The following CPED1 variants were observed in gnomAD, a reference collection of about 807,000 sequenced individuals.
CPED1 encodes cadherin like and PC-esterase domain containing 1.
Under a neutral mutation model 128.2 loss-of-function variants are expected in CPED1, and 114 were observed. The observed-to-expected ratio is 0.89, with a 90% CI of 0.76 to 1.04. The LOEUF is 1.04. CPED1 is among the 50% of genes least tolerant of loss of function. The pLI is 0.00. For missense variants in CPED1, 1,211 were observed against 1,207.1 expected (o/e 1.00, Z -0.05); for synonymous variants, 462 against 426.7 (o/e 1.08, Z -1.02).
chr7:121,018,785 A>G (rs989091017), intron 3 of CPED1, among the ~76,000 whole-genome samples: 21 of 152,094 alleles, frequency 1.4e-4, no homozygotes, highest in Non-Finnish European at 2.9e-5. Context: ...CATATTTAGC[A>G]ATTTTCTGTC....
intron 12 of CPED1, among the ~76,000 whole-genome samples, chr7:121,131,078 C>T (rs1388186792): frequency 6.6e-6 from 1 of 152,016 alleles, no homozygotes; most frequent in Non-Finnish European, 1.5e-5. Context: ...ACTAAATGGC[C>T]CTGCCATAAT....
At chr7:121,059,408 T>C (rs1291917176) in intron 4 of CPED1, among the ~76,000 whole-genome samples, 6 of 152,226 alleles carry the variant, frequency 3.9e-5, no homozygotes, top group African/African-American at 1.2e-4. Flanking sequence ...TGGATGATAA[T>C]GAACAGCTTT....
At chr7:121,216,378 C>A (rs1332518583) in intron 16 of CPED1, among the ~76,000 whole-genome samples, 2 of 152,004 alleles carry the variant, frequency 1.3e-5, no homozygotes, top group Non-Finnish European at 2.9e-5. Context: ...AAGTTCACTT[C>A]TACTCACATT....
chr7:121,104,519 T>C (rs1794924645), intron 7 of CPED1, among the ~76,000 whole-genome samples: 1 of 152,202 alleles, frequency 6.6e-6, no homozygotes, highest in African/African-American at 2.4e-5. Flanking sequence ...TTCTTTGTAC[T>C]TCTGACCATA....
At chr7:121,097,595 A>G in intron 5 of CPED1, 104 bp from the exon 6 acceptor site, 1 of 1,277,308 alleles carries the variant, frequency 7.8e-7, no homozygotes, top group South Asian at 1.5e-5. Context: ...ATGGTTGCAT[A>G]TTTCTCATGT....
At chr7:121,291,858 A>G (rs1792710108) in intron 22 of CPED1, among the ~76,000 whole-genome samples, 1 of 152,162 alleles carries the variant, frequency 6.6e-6, no homozygotes, top group Admixed American at 6.5e-5. Flanking sequence ...GCAGTGAGAG[A>G]GGGCATCTTT....
intron 3 of CPED1, among the ~76,000 whole-genome samples, chr7:121,046,643 A>T (rs1480532574): frequency 6.6e-6 from 1 of 151,950 alleles, no homozygotes; most frequent in Non-Finnish European, 1.5e-5. Flanking sequence ...ATTTTATAAT[A>T]TGTATAATAT....
intron 16 of CPED1, among the ~76,000 whole-genome samples, chr7:121,220,778 T>C (rs1449795514): frequency 1.3e-5 from 2 of 152,048 alleles, no homozygotes; most frequent in African/African-American, 4.8e-5. Context: ...CCTTCTATTC[T>C]TAATCTTCTA....
chr7:121,100,377 T>C (rs1794819852), intron 7 of CPED1, among the ~76,000 whole-genome samples: 1 of 152,226 alleles, frequency 6.6e-6, no homozygotes, highest in Admixed American at 6.6e-5. Flanking sequence ...AGTTCACAGC[T>C]ATACTCTGTT....
intron 18 of CPED1, among the ~76,000 whole-genome samples, chr7:121,248,712 A>AG (rs1160173080): frequency 6.6e-6 from 1 of 152,222 alleles, no homozygotes; most frequent in Non-Finnish European, 1.5e-5. Flanking sequence ...CCACATTTAA[A>AG]GGAACACTAA....
chr7:121,129,336 CGTAT>C (rs1415401624), intron 11 of CPED1, among the ~76,000 whole-genome samples: 4 of 105,424 alleles, frequency 3.8e-5, no homozygotes, highest in African/African-American at 1.6e-4. Context: ...TATATATATA[CGTAT>C]ATATATATAT....
At chr7:121,031,841 T>G in intron 3 of CPED1, among the ~76,000 whole-genome samples, 1 of 152,214 alleles carries the variant, frequency 6.6e-6, no homozygotes, top group East Asian at 1.9e-4. Flanking sequence ...TATGTATATA[T>G]GAATACACAG....
chr7:121,139,777 A>T (rs1795860758), intron 14 of CPED1, among the ~76,000 whole-genome samples: 1 of 152,032 alleles, frequency 6.6e-6, no homozygotes, highest in Non-Finnish European at 1.5e-5. Context: ...TACTAAAATA[A>T]TCTCCTTTCT....
intron 18 of CPED1, chr7:121,261,849 T>C: frequency 1.2e-6 from 1 of 829,292 alleles, no homozygotes; most frequent in Non-Finnish European, 1.9e-6. Flanking sequence ...TCTCACCTAA[T>C]ACAGGGACTA....
intron 22 of CPED1, among the ~76,000 whole-genome samples, chr7:121,273,878 G>A (rs994757320): frequency 2.0e-5 from 3 of 152,152 alleles, no homozygotes; most frequent in Non-Finnish European, 4.4e-5. Flanking sequence ...GCCTGGAAGA[G>A]AAAGAAGCAA....
intron 7 of CPED1, among the ~76,000 whole-genome samples, chr7:121,109,467 A>G (rs925550491): frequency 2.6e-5 from 4 of 152,146 alleles, no homozygotes; most frequent in Admixed American, 2.6e-4. Flanking sequence ...GGGACTTCAA[A>G]CAGGAGAGGA....
At chr7:121,098,148 C>T (rs1013798463) in intron 6 of CPED1, among the ~76,000 whole-genome samples, 1 of 152,110 alleles carries the variant, frequency 6.6e-6, no homozygotes, top group African/African-American at 2.4e-5. Context: ...ACTCAAATGA[C>T]TTTGCCTTAG....
chr7:121,060,313 G>A (rs1793625236), intron 4 of CPED1, among the ~76,000 whole-genome samples: 1 of 152,264 alleles, frequency 6.6e-6, no homozygotes, highest in South Asian at 2.1e-4. Context: ...CAAGGGCTGA[G>A]GAGTGCGGGC....
intron 7 of CPED1, among the ~76,000 whole-genome samples, chr7:121,109,778 A>G (rs1303190463): frequency 1.3e-5 from 2 of 152,182 alleles, no homozygotes; most frequent in Non-Finnish European, 2.9e-5. Context: ...TATTTGTTCA[A>G]ATCACACACA....
Sources: allele counts gnomAD v4.1 joint callset (sites outside exome capture counted in the v4.1 genomes callset), GRCh38; gene constraint gnomAD v4.1.1; transcripts MANE v1.5; gene names NCBI Gene and HGNC (gene_info 2026-07-23, HGNC 2026-07-21).